The following ITPR3 variants were observed in gnomAD, a reference collection of about 807,000 sequenced individuals.
ITPR3 encodes the protein inositol 1,4,5-trisphosphate receptor type 3.
A neutral mutation model predicts 293.2 loss-of-function variants in ITPR3; 173 were observed. That is an observed-to-expected ratio of 0.59 (90% confidence interval 0.52 to 0.67). The LOEUF is 0.67. Ranked by LOEUF, ITPR3 falls within the 30% of genes least tolerant of loss-of-function variation. The probability of loss-of-function intolerance (pLI) is 0.00; values close to 1 mark genes in which losing one functional copy is unlikely to be tolerated. For synonymous variants in ITPR3, 1,295 were observed against 1,444.4 expected, an observed-to-expected ratio of 0.90 and a Z score of 2.35; for missense variants, 2,796 against 3,592.1, an observed-to-expected ratio of 0.78 and a Z score of 5.66.
At chr6:33,690,007 ACT>A (rs775237372) in intron 50 of ITPR3, 25 bp from the exon 51 acceptor site, 2 of 1,613,530 alleles carry the variant, frequency 1.2e-6, no homozygotes, top group Non-Finnish European at 1.7e-6. Context: ...TAGGGTGCTG[ACT>A]CTCATGCCTT....
chr6:33,629,300 T>C (rs1488670084), intron 1 of ITPR3, among the ~76,000 whole-genome samples: 1 of 152,142 alleles, frequency 6.6e-6, no homozygotes, highest in African/African-American at 2.4e-5. Flanking sequence ...AATTAATAGT[T>C]TCCTAATAGC....
rs762470840 is a variant in ITPR3, at chr6:33,688,663, G to T, written c.6576G>T (p.Pro2192=). 5.6e-6 allele frequency: 9 copies of T among 1,613,960 alleles called. No homozygotes were observed. In the African/African-American group the frequency reaches 1.2e-4, roughly 22 times the overall value. The change falls in exon 49 of 58, where the codon CCG becomes CCT. Residue 2192 remains proline (P), a synonymous_variant. Coordinates refer to ENST00000605930, the MANE Select transcript of ITPR3 (RefSeq NM_002224.4). The part of the protein sequence containing the change: ...MEWQRKLRSM[P]LIYWFSRRMT... ...CGTTGCCCTCCTCTTCAGGCATGCC[G>T]CTGATCTACTGGTTCTCCCGCCGCA...
Position 33,675,219 on chromosome 6 carries a change from C to T in ITPR3, c.3117-472C>T, listed in dbSNP as rs1582146998. Among the ~76,000 whole-genome samples, 1 of 151,992 alleles carries T rather than the reference C, an allele frequency of 6.6e-6. No individual in the cohort carries two copies. The highest frequency in any genetic ancestry group is 1.5e-5 in the Non-Finnish European group (1 of 67,984). On this transcript the variant is annotated intron_variant, in intron 24 of 57. Coordinates refer to ENST00000605930, the MANE Select transcript of ITPR3 (RefSeq NM_002224.4). This position sits in a 1 kb window ranked among gnomAD's most constrained non-coding sequence, Gnocchi z 5.0. Reference sequence around the variant, plus strand: ...GGCAGATCACTTGAGGTCAGGAGTTCGAGACCAGCCTGGCCAACATGGTGA... The same window carrying T: ...GGCAGATCACTTGAGGTCAGGAGTTTGAGACCAGCCTGGCCAACATGGTGA...
chr6:33,674,896 G>A (rs1226345115), intron 24 of ITPR3, among the ~76,000 whole-genome samples: 3 of 152,202 alleles, frequency 2.0e-5, no homozygotes, highest in Admixed American at 1.3e-4. Flanking sequence ...AGGCAGCGAC[G>A]AATATAAACG....
intron 2 of ITPR3, among the ~76,000 whole-genome samples, chr6:33,646,895 C>A (rs1233660976): frequency 6.6e-6 from 1 of 151,234 alleles, no homozygotes; most frequent in African/African-American, 2.4e-5. Flanking sequence ...CCAACCTGGG[C>A]GACATAGTGA....
At position 33,668,543 on chromosome 6, in the gene ITPR3, G is replaced by A; in HGVS notation, c.1915G>A (p.Val639Met). Reference protein sequence around the residue: ...RFLDYLSDLCVSNHIAIPVTQ... With the variant: ...RFLDYLSDLCMSNHIAIPVTQ... Reference sequence around the variant, plus strand: ...CCTGGACTACCTCTCTGACCTGTGTGTGTCCAACCACATCGCCATCCCCGT... The same window carrying A: ...CCTGGACTACCTCTCTGACCTGTGTATGTCCAACCACATCGCCATCCCCGT... The change falls in exon 17 of 58, where the codon GTG (valine) becomes ATG (methionine). Residue 639 changes from valine (V) to methionine (M), a missense_variant. Val to Met is a conservative substitution (Grantham distance 21). Around this residue, in one of 8 missense-constraint regions of ITPR3, gnomAD observed 955 missense variants for 1,180.8 expected, o/e 0.81. Coordinates refer to ENST00000605930, the MANE Select transcript of ITPR3 (RefSeq NM_002224.4). 1.2e-6 allele frequency: 2 copies of A among 1,614,168 alleles called. No homozygotes were observed. The highest frequency in any genetic ancestry group is 1.7e-6 in the Non-Finnish European group (2 of 1,180,016).
rs79217630 is a variant in ITPR3, at chr6:33,686,609, G to A, written c.5979+90G>A. 59,210 of 962,678 alleles carry A rather than the reference G, an allele frequency of 0.062. 4,131 individuals carry two copies. The highest frequency in any genetic ancestry group is 0.31 in the African/African-American group (19,259 of 62,670). 59.6% of individuals were successfully genotyped at this position (962,678 alleles called of 1,614,324 possible). On this transcript the variant is annotated intron_variant, in intron 43 of 57. Transcript: ENST00000605930. ...ACTTGTGTGTCAAGTGTACATAGTG[G>A]TGTGTAATGTGGGTGTTAGCATTGT...
Position 33,664,237 on chromosome 6 carries a change from A to G in ITPR3, c.1148+357A>G, listed in dbSNP as rs1536036. On this transcript the variant is annotated intron_variant, in intron 11 of 57. Coordinates refer to ENST00000605930, the MANE Select transcript of ITPR3 (RefSeq NM_002224.4). The surrounding 1 kb of genome is among the most constrained non-coding windows in gnomAD (Gnocchi z 4.4). Reference sequence around the variant, plus strand: ...CCCGAGATTCTAGGACGGAACATCAAGAAACTTCTCAAGTGTCAGTACAGG... The same window carrying G: ...CCCGAGATTCTAGGACGGAACATCAGGAAACTTCTCAAGTGTCAGTACAGG... Among the ~76,000 whole-genome samples the G allele has an allele frequency of 0.53, 79,970 of 151,910 alleles. 21,115 individuals are homozygous for G. The highest frequency in any genetic ancestry group is 0.54 in the Admixed American group (8,308 of 15,266).
chr6:33,640,692 G>A (rs568143265), intron 2 of ITPR3, 138 bp downstream of exon 2: 8 of 668,008 alleles, frequency 1.2e-5, no homozygotes, highest in East Asian at 8.9e-5. Context: ...CTCTGCTGTC[G>A]GCGGAATCCC....
rs1449463409 is a variant in ITPR3, at chr6:33,678,534, C to T, written c.3762C>T (p.Leu1254=). The change falls in exon 29 of 58, where the codon CTC becomes CTT. Residue 1254 remains leucine, a synonymous_variant. Coordinates refer to ENST00000605930, the MANE Select transcript of ITPR3 (RefSeq NM_002224.4). ...TGCACAAACACCTGCACCTCTTCCTCACGCCAGGGGTGAGGGTGCAGGGCT... is the reference window on the plus strand; with the variant it reads ...TGCACAAACACCTGCACCTCTTCCTTACGCCAGGGGTGAGGGTGCAGGGCT... ...ALLHKHLHLF[L]TPGLLEAETM... is the part of the protein sequence containing the mutation. 6 of 1,611,902 alleles carry T rather than the reference C, an allele frequency of 3.7e-6. No homozygotes were observed. The highest frequency in any genetic ancestry group is 3.3e-5 in the Admixed American group (2 of 59,852).
chr6:33,682,555 A>C lies in ITPR3; in HGVS notation c.4508A>C (p.Gln1503Pro). The stretch of plus-strand genomic sequence containing the variant: ...CAGACGATTGTGGTGCAGCTGCTGC[A>C]GTCTACCACACGCCTCCTCGAGTGT... ...THQTIVVQLL[Q>P]STTRLLECPW... Residue 1503 changes from glutamine (Q) to proline (P), a missense_variant, in exon 34 of 58, where the codon CAG becomes CCG. Gln to Pro is a moderately conservative substitution (Grantham distance 76). Transcript: ENST00000605930. This position sits in a 1 kb window ranked among gnomAD's most constrained non-coding sequence, Gnocchi z 5.4. 6.4e-7 allele frequency: 1 copy of C among 1,561,240 alleles called. No individual in the cohort carries two copies. The highest frequency in any genetic ancestry group is 8.7e-7 in the Non-Finnish European group (1 of 1,151,900).
chr6:33,652,754 G>A (rs182447001), intron 2 of ITPR3, among the ~76,000 whole-genome samples: 411 of 152,140 alleles, frequency 2.7e-3, no homozygotes, highest in Middle Eastern at 6.8e-3. Context: ...ATGAGCCACC[G>A]TGCCTGGCCT....
intron 48 of ITPR3, 106 bp from the exon 49 acceptor site, chr6:33,688,550 A>G (rs1452524878): frequency 1.3e-6 from 2 of 1,542,124 alleles, no homozygotes; most frequent in Non-Finnish European, 1.7e-6. Flanking sequence ...CACCCCAAGG[A>G]AGGGCTCTTC....
intron 57 of ITPR3, 68 bp from the exon 58 acceptor site, chr6:33,695,644 C>A (rs1210744717): frequency 6.7e-7 from 1 of 1,496,664 alleles, no homozygotes; most frequent in East Asian, 2.3e-5. Flanking sequence ...CCAAGCTCTT[C>A]CACAGCACCC....
chr6:33,682,750 C>G lies in ITPR3; in HGVS notation c.4597+106C>G. ...ACTTTATCCCTAAGCTCGCCCATCT[C>G]CTGCTCCCAGGTGGTTGTCAGTAAG... On this transcript the variant is annotated intron_variant, in intron 34 of 57. Transcript: ENST00000605930. The surrounding 1 kb of genome is among the most constrained non-coding windows in gnomAD (Gnocchi z 5.4). The G allele has an allele frequency of 7.2e-7, 1 of 1,398,316 alleles. No individual in the cohort carries two copies. The highest frequency in any genetic ancestry group is 9.4e-7 in the Non-Finnish European group (1 of 1,061,160). The allele number at this position is 1,398,316 out of a possible 1,614,324, so 86.6% of individuals were successfully genotyped here.
rs1765019187 is a variant in ITPR3 at position 33,679,870 on chromosome 6, T to C, written c.3973-12T>C. ...CCGAGAGAGTGTGACACGTGCCCCC[T>C]CCCACCCGCAGCTGACCAATGCAGG... On this transcript the variant is annotated splice_polypyrimidine_tract_variant and intron_variant, in intron 30 of 57. Transcript: ENST00000605930. The surrounding 1 kb of genome is among the most constrained non-coding windows in gnomAD (Gnocchi z 4.2). The C allele has an allele frequency of 1.2e-6, 2 of 1,605,174 alleles. No individual in the cohort carries two copies. The highest frequency in any genetic ancestry group is 2.2e-5 in the East Asian group (1 of 44,692).
chr6:33,669,014 C>A lies in ITPR3; in HGVS notation c.2047C>A (p.Leu683Met). Residue 683 changes from leucine (L) to methionine (M), a missense_variant, in exon 18 of 58, where the codon CTG becomes ATG. Physicochemically the swap from Leu to Met is conservative, Grantham distance 15. Around this residue, in one of 8 missense-constraint regions of ITPR3, gnomAD observed 955 missense variants for 1,180.8 expected, o/e 0.81. Transcript: ENST00000605930. ...GGAGATGGCCCAATCCCACGAGTAC[C>A]TGAGCATCGAGTACTCAGAAGAGGA... ...VKEMAQSHEY[L>M]SIEYSEEEVW... is the part of the protein sequence containing the mutation. 6.2e-7 allele frequency: 1 copy of A among 1,614,112 alleles called. No homozygotes were observed. The highest frequency in any genetic ancestry group is 8.5e-7 in the Non-Finnish European group (1 of 1,180,016).
intron 3 of ITPR3, among the ~76,000 whole-genome samples, chr6:33,657,575 T>G (rs1256096009): frequency 2.4e-3 from 153 of 64,596 alleles, no homozygotes; most frequent in African/African-American, 3.2e-3. Flanking sequence ...GAGGTGGGGG[T>G]GGGTGGTGAG....
Position 33,687,639 on chromosome 6 carries a change from C to T in ITPR3, c.6264+75C>T. ...GAGGACACTTGACCCAAGGGCGTGG[C>T]CTGGAACAGAGTGAGGCCCTAGAAT... is the stretch of plus-strand genomic sequence containing the variant. On this transcript the variant is annotated intron_variant, in intron 46 of 57. Transcript: ENST00000605930. This position sits in a 1 kb window ranked among gnomAD's most constrained non-coding sequence, Gnocchi z 5.3. 8.2e-7 allele frequency: 1 copy of T among 1,218,752 alleles called. No individual in the cohort carries two copies. Among genetic ancestry groups the T allele is most frequent in the Non-Finnish European group, 1.2e-6 (1 of 843,976 alleles). The allele number at this position is 1,218,752 out of a possible 1,614,324, so 75.5% of individuals were successfully genotyped here. A position where few individuals can be genotyped will look rare whatever the true frequency, so the allele number is the denominator to read the frequency against.
Sources: allele counts gnomAD v4.1 joint callset (sites outside exome capture counted in the v4.1 genomes callset), GRCh38; gene constraint gnomAD v4.1.1; regional missense constraint gnomAD v4.1.1; non-coding constraint Gnocchi (gnomAD v3.1); transcripts MANE v1.5; gene names NCBI Gene and HGNC (gene_info 2026-07-23, HGNC 2026-07-21).